TMCO4: variants seen among roughly 807,000 people sequenced by gnomAD.
The protein encoded by TMCO4 is transmembrane and coiled-coil domains 4.
A neutral mutation model predicts 64.7 loss-of-function variants in TMCO4; 58 were observed. The ratio of observed to expected loss-of-function variants is 0.90; its 90% CI spans 0.73 to 1.12. The LOEUF is 1.12. TMCO4 is among the 50% of genes most tolerant of loss of function. The pLI is 0.00. For missense variants in TMCO4, 780 were observed against 825.9 expected (o/e 0.94, Z 0.68); for synonymous variants, 325 against 346.1 (o/e 0.94, Z 0.68).
At chr1:19,721,387 A>C (rs370319174) in intron 13 of TMCO4, among the ~76,000 whole-genome samples, 3 of 152,172 alleles carry the variant, frequency 2.0e-5, no homozygotes, top group Non-Finnish European at 4.4e-5. Context: ...ATTGCTTGAG[A>C]GTGGCAGTTA....
intron 2 of TMCO4, among the ~76,000 whole-genome samples, chr1:19,792,713 C>T (rs1448508282): frequency 6.6e-6 from 1 of 150,946 alleles, no homozygotes; most frequent in African/African-American, 2.4e-5. Flanking sequence ...ACATGCCAGC[C>T]AGCTATGGCC....
In TMCO4 at chr1:19,734,986, T is replaced by C. The variant is rs901565064; in HGVS notation, c.1264+2386A>G. Among the ~76,000 whole-genome samples, 19 of 152,232 alleles carry C rather than the reference T, an allele frequency of 1.2e-4. No individual in the cohort carries two copies. Among genetic ancestry groups the C allele is most frequent in the Non-Finnish European group, 4.4e-5 (3 of 67,988 alleles). ...CGTGGGCACAGCAGCATGTGCCTGA[T>C]TCCCTCACCCAAAGTCCAGCTCCTT... On this transcript the variant is annotated intron_variant, in intron 13 of 15. Coordinates refer to ENST00000294543, the MANE Select transcript of TMCO4 (RefSeq NM_181719.7). This position sits in a 1 kb window ranked among gnomAD's most constrained non-coding sequence, Gnocchi z 4.4.
intron 2 of TMCO4, among the ~76,000 whole-genome samples, chr1:19,795,643 G>C (rs527339673): frequency 6.6e-6 from 1 of 152,232 alleles, no homozygotes; most frequent in Admixed American, 6.5e-5. Context: ...CCCTTCCACA[G>C]ATGGGGACAG....
In TMCO4 at chr1:19,683,084, C is replaced by A. The variant is rs113501810; in HGVS notation, c.1861G>T (p.Asp621Tyr). ...GMDPNPLGCPDCACKTQGPST... is the reference protein window; with the variant it reads ...GMDPNPLGCPYCACKTQGPST... ...GGGCCCTGGGTCTTGCAGGCACAAT[C>A]GGGGCAGCCCAGTGGGTTGGGGTCC... The change falls in exon 16 of 16, where the codon GAT becomes TAT. Residue 621 changes from aspartate (D) to tyrosine (Y), a missense_variant. Transcript: ENST00000294543. 1 of 1,605,338 alleles carries A rather than the reference C, an allele frequency of 6.2e-7. No individual in the cohort carries two copies. Among genetic ancestry groups the A allele is most frequent in the Non-Finnish European group, 8.5e-7 (1 of 1,176,100 alleles).
intron 4 of TMCO4, among the ~76,000 whole-genome samples, chr1:19,778,298 G>C (rs1470323749): frequency 2.6e-5 from 4 of 151,362 alleles, no homozygotes; most frequent in Non-Finnish European, 5.9e-5. Context: ...TTTTGAGACA[G>C]AGTCTTGCTC....
At chr1:19,747,411 G>A in intron 7 of TMCO4, 151 bp from the exon 8 acceptor site, 1 of 700,252 alleles carries the variant, frequency 1.4e-6, no homozygotes, top group Non-Finnish European at 2.5e-6. Context: ...CCCACTGATG[G>A]TTTAAAAAGC....
chr1:19,704,217 A>G (rs1300505609), intron 13 of TMCO4, among the ~76,000 whole-genome samples: 1 of 152,260 alleles, frequency 6.6e-6, no homozygotes, highest in Non-Finnish European at 1.5e-5. Context: ...GACAATGACA[A>G]TCTGGCAGAA....
chr1:19,698,112 A>C (rs768250778), intron 14 of TMCO4, among the ~76,000 whole-genome samples: 15 of 152,198 alleles, frequency 9.9e-5, no homozygotes, highest in Non-Finnish European at 2.2e-4. Context: ...CCTCCAGCCA[A>C]TGCTGATGTG....
In TMCO4 at chr1:19,734,054, A is replaced by G. The variant is rs990132583; in HGVS notation, c.1264+3318T>C. ...CATAAGTGTGTGCTGTGTGGTTACTACTACTACTATTATCATCATTATTAT... is the reference window on the plus strand; with the variant it reads ...CATAAGTGTGTGCTGTGTGGTTACTGCTACTACTATTATCATCATTATTAT... On this transcript the variant is annotated intron_variant, in intron 13 of 15. Coordinates refer to ENST00000294543, the MANE Select transcript of TMCO4 (RefSeq NM_181719.7). This position sits in a 1 kb window ranked among gnomAD's most constrained non-coding sequence, Gnocchi z 4.4. 6.6e-6 allele frequency among the ~76,000 whole-genome samples: 1 copy of G among 152,190 alleles called. No homozygotes were observed. Among genetic ancestry groups the G allele is most frequent in the Non-Finnish European group, 1.5e-5 (1 of 68,036 alleles).
intron 2 of TMCO4, among the ~76,000 whole-genome samples, chr1:19,795,609 C>T (rs529759301): frequency 6.6e-6 from 1 of 152,268 alleles, no homozygotes; most frequent in African/African-American, 2.4e-5. Context: ...TCTCAATAAT[C>T]CTACAAGGTG....
At chr1:19,715,386 G>A (rs916961887) in intron 13 of TMCO4, among the ~76,000 whole-genome samples, 1 of 152,172 alleles carries the variant, frequency 6.6e-6, no homozygotes, top group Non-Finnish European at 1.5e-5. Flanking sequence ...TGGGATTACA[G>A]GCACAGGTTA....
rs138797643 is a variant in TMCO4, at chr1:19,747,254, G to A, written c.522C>T (p.Ala174=). ...TTTCTTTCTTCTTTCGGGATGCCTCGGCCATTCTGAGGGAAAAGAGGCTGG... is the reference window on the plus strand; with the variant it reads ...TTTCTTTCTTCTTTCGGGATGCCTCAGCCATTCTGAGGGAAAAGAGGCTGG... ...KEIKEEESEM[A]EASRKKKENR... is the part of the protein sequence containing the mutation. Residue 174 remains alanine (A), a synonymous_variant, in exon 8 of 16, where the codon GCC becomes GCT. Coordinates refer to ENST00000294543, the MANE Select transcript of TMCO4 (RefSeq NM_181719.7). 84 of 1,613,002 alleles carry A rather than the reference G, an allele frequency of 5.2e-5. No homozygotes were observed. Among genetic ancestry groups the A allele is most frequent in the Non-Finnish European group, 6.3e-5 (74 of 1,179,796 alleles).
At chr1:19,712,800 G>T (rs1240411996) in intron 13 of TMCO4, among the ~76,000 whole-genome samples, 4 of 152,200 alleles carry the variant, frequency 2.6e-5, no homozygotes, top group African/African-American at 7.2e-5. Flanking sequence ...CTATTGGCGT[G>T]TGACAAACCA....
intron 4 of TMCO4, among the ~76,000 whole-genome samples, chr1:19,775,131 C>A (rs2043152005): frequency 6.6e-6 from 1 of 152,314 alleles, no homozygotes; most frequent in South Asian, 2.1e-4. Context: ...ATGGCACGAT[C>A]TTGGCTCACT....
At chr1:19,798,900 AAG>A (rs2044465915) in intron 1 of TMCO4, among the ~76,000 whole-genome samples, 1 of 152,268 alleles carries the variant, frequency 6.6e-6, no homozygotes, top group African/African-American at 2.4e-5. Flanking sequence ...CAAAGCTTAA[AAG>A]AGTGTCATAT....
chr1:19,713,788 G>A (rs1417071136), intron 13 of TMCO4, among the ~76,000 whole-genome samples: 1 of 152,076 alleles, frequency 6.6e-6, no homozygotes, highest in Non-Finnish European at 1.5e-5. Context: ...AAAATTCTCA[G>A]CCAATAAATT....
Position 19,683,039 on chromosome 1 carries a change from G to A in TMCO4, c.*1C>T. ...AAGACGGCTCAGGTCCCCTGCTGTGGTCAGTCCAGCCCCGTGCTGGGGCCC... is the reference window on the plus strand; with the variant it reads ...AAGACGGCTCAGGTCCCCTGCTGTGATCAGTCCAGCCCCGTGCTGGGGCCC... On this transcript the variant is annotated 3_prime_UTR_variant, in exon 16 of 16. Coordinates refer to ENST00000294543, the MANE Select transcript of TMCO4 (RefSeq NM_181719.7). 1 of 1,560,664 alleles carries A rather than the reference G, an allele frequency of 6.4e-7. No individual in the cohort carries two copies. Among genetic ancestry groups the A allele is most frequent in the Non-Finnish European group, 8.6e-7 (1 of 1,156,706 alleles).
At position 19,771,307 on chromosome 1, in the gene TMCO4, C is replaced by A; in HGVS notation, c.354+1G>T. On this transcript the variant is annotated splice_donor_variant, in intron 5 of 15. Coordinates refer to ENST00000294543, the MANE Select transcript of TMCO4 (RefSeq NM_181719.7). LOFTEE classifies it high-confidence loss of function. ...CAGCCACCACCAGGTGTTGGGTGTA[C>A]CTGAGTGATCACCGTCGGGTCGTCC... The A allele has an allele frequency of 6.2e-7, 1 of 1,613,400 alleles. No homozygotes were observed. Among genetic ancestry groups the A allele is most frequent in the Non-Finnish European group, 8.5e-7 (1 of 1,179,594 alleles).
chr1:19,781,849 T>C (rs1394314723), intron 3 of TMCO4, among the ~76,000 whole-genome samples: 6 of 152,106 alleles, frequency 3.9e-5, no homozygotes, highest in African/African-American at 1.4e-4. Context: ...GGTTTCACTG[T>C]GTTAGCCAGG....
Sources: allele counts gnomAD v4.1 joint callset (sites outside exome capture counted in the v4.1 genomes callset), GRCh38; gene constraint gnomAD v4.1.1; non-coding constraint Gnocchi (gnomAD v3.1); transcripts MANE v1.5; gene names NCBI Gene and HGNC (gene_info 2026-07-23, HGNC 2026-07-21).